Variants in FSTL5 observed in about 807,000 individuals in gnomAD.
FSTL5 encodes follistatin like 5, also known as follistatin-related protein 5.
In FSTL5, 62 loss-of-function variants were observed where a neutral mutation model predicts 89.1. That is an observed-to-expected ratio of 0.70 (90% CI 0.57 to 0.86). The LOEUF is 0.86. Among genes scored for constraint, FSTL5 ranks in the 40% least tolerant of loss-of-function variants. The pLI is 0.00. For missense variants in FSTL5, 1,057 were observed against 1,001.6 expected (o/e 1.06, Z -0.75); for synonymous variants, 383 against 346.2 (o/e 1.11, Z -1.18).
At chr4:161,775,360 T>C (rs1741369615) in intron 5 of FSTL5, among the ~76,000 whole-genome samples, 1 of 152,174 alleles carries the variant, frequency 6.6e-6, no homozygotes, top group Admixed American at 6.5e-5. Flanking sequence ...TCTCTTATTT[T>C]ATATTTCTAC....
At chr4:161,464,075 T>C (rs545402786) in intron 13 of FSTL5, among the ~76,000 whole-genome samples, 217 of 152,248 alleles carry the variant, frequency 1.4e-3, no homozygotes, top group Middle Eastern at 6.8e-3. Context: ...AGACAAATTG[T>C]GTGTTGGGTT....
intron 3 of FSTL5, among the ~76,000 whole-genome samples, chr4:161,974,887 A>G (rs1735588909): frequency 6.6e-6 from 1 of 152,052 alleles, no homozygotes; most frequent in African/African-American, 2.4e-5. Context: ...ATCTACAATG[A>G]AATCAAACAA....
intron 7 of FSTL5, among the ~76,000 whole-genome samples, chr4:161,621,996 C>A (rs562789422): frequency 6.6e-6 from 1 of 151,188 alleles, no homozygotes; most frequent in Non-Finnish European, 1.5e-5. Context: ...AACTCCCTCT[C>A]AAAAAAATAA....
At chr4:161,940,978 G>T (rs1056189091) in intron 3 of FSTL5, among the ~76,000 whole-genome samples, 1 of 151,634 alleles carries the variant, frequency 6.6e-6, no homozygotes, top group South Asian at 2.1e-4. Context: ...ATATTAATGT[G>T]CATCCAATAT....
chr4:161,571,064 A>G (rs11947353), intron 8 of FSTL5, among the ~76,000 whole-genome samples: 76,189 of 151,618 alleles, frequency 0.5, 19,251 homozygotes, highest in Middle Eastern at 0.6. Flanking sequence ...AGCCAAGATC[A>G]CGCCACTGCA....
At position 161,803,621 on chromosome 4, in the gene FSTL5, A is replaced by C. The variant is rs1287887733; in HGVS notation, c.410-27547T>G. Reference sequence around the variant, plus strand: ...CAACTGTATTATCTGATTACCCAAAATACTCATATTGATATATATCACTTT... The same window carrying C: ...CAACTGTATTATCTGATTACCCAAACTACTCATATTGATATATATCACTTT... On this transcript the variant is annotated intron_variant, in intron 4 of 15. Transcript: ENST00000306100. 2.6e-5 allele frequency among the ~76,000 whole-genome samples: 4 copies of C among 151,932 alleles called. No individual in the cohort carries two copies. The East Asian group carries it at 7.7e-4, about 29-fold the overall frequency.
At chr4:162,161,402 C>T (rs1296524417) in intron 1 of FSTL5, among the ~76,000 whole-genome samples, 5 of 151,784 alleles carry the variant, frequency 3.3e-5, no homozygotes, top group Admixed American at 3.3e-4. Flanking sequence ...TGATGGGAAT[C>T]TAATTTTACC....
chr4:162,143,655 T>C (rs1169358979), intron 1 of FSTL5, among the ~76,000 whole-genome samples: 1 of 151,854 alleles, frequency 6.6e-6, no homozygotes, highest in East Asian at 1.9e-4. Flanking sequence ...TTACAAACTA[T>C]TTAAAACACT....
intron 10 of FSTL5, among the ~76,000 whole-genome samples, chr4:161,512,160 G>A (rs1369505412): frequency 1.3e-5 from 2 of 152,012 alleles, no homozygotes; most frequent in African/African-American, 4.8e-5. Flanking sequence ...TTTTAGGAAT[G>A]GTTGAACTAT....
At chr4:162,156,173 C>G (rs1251845819) in intron 1 of FSTL5, among the ~76,000 whole-genome samples, 1 of 152,028 alleles carries the variant, frequency 6.6e-6, no homozygotes, top group African/African-American at 2.4e-5. Flanking sequence ...CAGAAACATG[C>G]AAATCAAACC....
intron 8 of FSTL5, among the ~76,000 whole-genome samples, chr4:161,545,686 G>C (rs1274128459): frequency 6.6e-6 from 1 of 151,870 alleles, no homozygotes; most frequent in Non-Finnish European, 1.5e-5. Context: ...TCTGTACTGG[G>C]TTACTAGTTG....
chr4:162,101,914 T>G (rs1731011304), intron 2 of FSTL5, among the ~76,000 whole-genome samples: 1 of 152,212 alleles, frequency 6.6e-6, no homozygotes, highest in Non-Finnish European at 1.5e-5. Context: ...AATGGATCAA[T>G]ATCAATGATT....
chr4:162,070,075 T>G (rs1378453013), intron 2 of FSTL5, among the ~76,000 whole-genome samples: 2 of 151,794 alleles, frequency 1.3e-5, no homozygotes, highest in East Asian at 3.9e-4. Context: ...AGCCATTCTG[T>G]CTTGGGTGAG....
intron 7 of FSTL5, among the ~76,000 whole-genome samples, chr4:161,631,977 A>G (rs139726399): frequency 3.0e-4 from 46 of 152,266 alleles, no homozygotes; most frequent in African/African-American, 1.1e-3. Flanking sequence ...CACTGAAGCT[A>G]TATTTGGTTC....
intron 15 of FSTL5, chr4:161,388,197 T>C (rs1187091672): frequency 6.6e-6 from 1 of 152,116 alleles, no homozygotes; most frequent in African/African-American, 2.4e-5. Context: ...GCCCACCACT[T>C]GTAGCTTATT....
intron 7 of FSTL5, among the ~76,000 whole-genome samples, chr4:161,650,292 C>T (rs1221064941): frequency 6.6e-6 from 1 of 152,120 alleles, no homozygotes; most frequent in Non-Finnish European, 1.5e-5. Context: ...ACTTAAAATA[C>T]ACAGTAATCA....
At chr4:161,412,037 T>C (rs1277454610) in intron 15 of FSTL5, among the ~76,000 whole-genome samples, 1 of 152,136 alleles carries the variant, frequency 6.6e-6, no homozygotes, top group Non-Finnish European at 1.5e-5. Context: ...AGCATTTCCA[T>C]ACACTAACAA....
At chr4:161,647,767 G>A (rs1234312138) in intron 7 of FSTL5, among the ~76,000 whole-genome samples, 1 of 152,038 alleles carries the variant, frequency 6.6e-6, no homozygotes, top group Non-Finnish European at 1.5e-5. Context: ...CGTGGCTAGG[G>A]CTCCACTCCT....
chr4:161,803,761 A>C lies in FSTL5; in HGVS notation c.410-27687T>G, dbSNP rs986877564. 2.0e-5 allele frequency among the ~76,000 whole-genome samples: 3 copies of C among 152,066 alleles called. No individual in the cohort carries two copies. The South Asian group carries it at 6.2e-4, about 31-fold the overall frequency. ...TAGTGGTTTCCAATTATTGCCCTAC[A>C]AATTATTGCTAACTTGATCTAAGAC... is the stretch of plus-strand genomic sequence containing the variant. On this transcript the variant is annotated intron_variant, in intron 4 of 15. Transcript: ENST00000306100.
Sources: allele counts gnomAD v4.1 joint callset (sites outside exome capture counted in the v4.1 genomes callset), GRCh38; gene constraint gnomAD v4.1.1; transcripts MANE v1.5; gene names NCBI Gene and HGNC (gene_info 2026-07-23, HGNC 2026-07-21).